Variants in DNM2 observed in about 807,000 individuals in gnomAD.
The protein encoded by DNM2 is dynamin-2.
A neutral mutation model predicts 99.0 loss-of-function variants in DNM2; 15 were observed. That is an observed-to-expected ratio of 0.15 (90% CI 0.10 to 0.23). The LOEUF (loss-of-function observed/expected upper bound fraction) is 0.23, where lower values mean the gene tolerates loss of function less well. Ranked by LOEUF, DNM2 falls within the 10% of genes least tolerant of loss-of-function variation. DNM2 has a pLI of 1.00. For synonymous variants in DNM2, 525 were observed against 481.2 expected, an observed-to-expected ratio of 1.09 and a Z score of -1.19; for missense variants, 742 against 1,189.4, an observed-to-expected ratio of 0.62 and a Z score of 5.53.
intron 12 of DNM2, among the ~76,000 whole-genome samples, chr19:10,804,044 T>C (rs2072250750): frequency 6.6e-6 from 1 of 152,040 alleles, no homozygotes; most frequent in African/African-American, 2.4e-5. Context: ...GAAGGAAGGC[T>C]ACCAGACCAG....
In DNM2 at chr19:10,810,902, G is replaced by A. The variant is rs76441267; in HGVS notation, c.1558-1362G>A. 0.028 allele frequency: 4,317 copies of A among 152,514 alleles called. 412 individuals carry two copies. In the East Asian group the frequency reaches 0.36, roughly 13 times the overall value. The allele number at this position is 152,514 out of a possible 1,614,324, so 9.4% of individuals were successfully genotyped here. A position where few individuals can be genotyped will look rare whatever the true frequency, so the allele number is the denominator to read the frequency against. On this transcript the variant is annotated intron_variant, in intron 14 of 20. Transcript: ENST00000389253. ...AGACCTTTGGTGCTAACACCAGGACGTCCTGGACAGACCAGGAAGAGCTCG... is the reference window on the plus strand; with the variant it reads ...AGACCTTTGGTGCTAACACCAGGACATCCTGGACAGACCAGGAAGAGCTCG...
At chr19:10,726,733 A>C (rs909614276) in intron 1 of DNM2, among the ~76,000 whole-genome samples, 30 of 152,200 alleles carry the variant, frequency 2.0e-4, no homozygotes, top group African/African-American at 5.8e-4. Flanking sequence ...GCGTGGTGGC[A>C]GGCGCCTGTA....
intron 2 of DNM2, among the ~76,000 whole-genome samples, chr19:10,766,617 TA>T (rs1406466781): frequency 1.3e-5 from 2 of 151,314 alleles, no homozygotes; most frequent in Non-Finnish European, 2.9e-5. Context: ...TACGAGATGC[TA>T]GGGGGAACTG....
chr19:10,756,369 C>T (rs2070385281), intron 1 of DNM2, among the ~76,000 whole-genome samples: 1 of 152,134 alleles, frequency 6.6e-6, no homozygotes, highest in Non-Finnish European at 1.5e-5. Flanking sequence ...GTGTCACCAG[C>T]ACCTCCCCAA....
intron 7 of DNM2, among the ~76,000 whole-genome samples, chr19:10,788,685 G>C (rs946939279): frequency 6.6e-6 from 1 of 152,238 alleles, no homozygotes; most frequent in African/African-American, 2.4e-5. Context: ...TTGGGAAGCA[G>C]GTGTGCCCCC....
chr19:10,741,534 T>C (rs974404493), intron 1 of DNM2, among the ~76,000 whole-genome samples: 2 of 151,386 alleles, frequency 1.3e-5, no homozygotes, highest in Admixed American at 6.6e-5. Context: ...CAGCCCCAAA[T>C]TGGCCAATAT....
At chr19:10,742,489 A>G (rs1366211614) in intron 1 of DNM2, among the ~76,000 whole-genome samples, 1 of 152,166 alleles carries the variant, frequency 6.6e-6, no homozygotes, top group Non-Finnish European at 1.5e-5. Context: ...CCAATTTCAT[A>G]GAGAAACTGA....
At chr19:10,732,784 C>T (rs1373123552) in intron 1 of DNM2, among the ~76,000 whole-genome samples, 3 of 152,022 alleles carry the variant, frequency 2.0e-5, no homozygotes, top group Non-Finnish European at 4.4e-5. Flanking sequence ...TAGTAACAAA[C>T]GCTCCCGCTC....
chr19:10,770,395 ATTACCCC>A (rs1457789435), intron 2 of DNM2, among the ~76,000 whole-genome samples: 1 of 152,000 alleles, frequency 6.6e-6, no homozygotes, highest in Non-Finnish European at 1.5e-5. Context: ...AGTGTGACTT[ATTACCCC>A]TTTCTTTCTT....
rs540429214 is a variant in DNM2 at position 10,725,199 on chromosome 19, G to A, written c.161+6796G>A. On this transcript the variant is annotated intron_variant, in intron 1 of 20. Transcript: ENST00000389253. ...ATGGTGACTCACACCTGTAATCCCA[G>A]CATTTTGGGAGGCCGAGGCAGGCAG... Among the ~76,000 whole-genome samples the A allele has an allele frequency of 3.5e-4, 54 of 152,352 alleles. 1 individual carries two copies. In the South Asian group the frequency reaches 0.011, roughly 31 times the overall value.
intron 1 of DNM2, among the ~76,000 whole-genome samples, chr19:10,725,680 C>T (rs2069091453): frequency 6.6e-6 from 1 of 152,038 alleles, no homozygotes; most frequent in Non-Finnish European, 1.5e-5. Context: ...AATCACGTAG[C>T]AAATTGTTGT....
Position 10,795,638 on chromosome 19 carries a change from T to C in DNM2, c.1196+199T>C. The C allele has an allele frequency of 1.6e-6, 1 of 639,678 alleles. No homozygotes were observed. Among genetic ancestry groups the C allele is most frequent in the Non-Finnish European group, 2.8e-6 (1 of 359,794 alleles). The allele number at this position is 639,678 out of a possible 1,614,324, so 39.6% of individuals were successfully genotyped here. ...GGATGTGTCTTAGTCCTGCGTCCAT[T>C]GCAGGCTTCAGGGCTGTCTGCAGCT... On this transcript the variant is annotated intron_variant, in intron 9 of 20. Coordinates refer to ENST00000389253, the MANE Select transcript of DNM2 (RefSeq NM_001005361.3). This position sits in a 1 kb window ranked among gnomAD's most constrained non-coding sequence, Gnocchi z 4.2.
chr19:10,798,027 C>G (rs893374791), intron 10 of DNM2, among the ~76,000 whole-genome samples: 10 of 152,216 alleles, frequency 6.6e-5, no homozygotes, highest in Admixed American at 3.9e-4. Context: ...GCCACAGATA[C>G]AGTGATCAGG....
chr19:10,734,236 G>A (rs1020580094), intron 1 of DNM2, among the ~76,000 whole-genome samples: 3 of 151,286 alleles, frequency 2.0e-5, no homozygotes, highest in African/African-American at 4.9e-5. Flanking sequence ...CCAGCCACTC[G>A]GGAGGCTGAG....
At chr19:10,784,694 C>CA (rs2071493502) in intron 6 of DNM2, among the ~76,000 whole-genome samples, 4 of 152,186 alleles carry the variant, frequency 2.6e-5, no homozygotes, top group African/African-American at 9.7e-5. Context: ...GGCTGCAGGG[C>CA]AGGGACCCTT....
rs1404520996 is a variant in DNM2, at chr19:10,812,714, G to A, written c.1671+337G>A. ...AGGCAGGAGAATCGTTTGAACCCGG[G>A]AGGCGGAGGTTGCAGTGAGCCGAGA... On this transcript the variant is annotated intron_variant, in intron 15 of 20. Transcript: ENST00000389253. The surrounding 1 kb of genome is among the most constrained non-coding windows in gnomAD (Gnocchi z 4.0). Among the ~76,000 whole-genome samples, 1 of 152,190 alleles carries A rather than the reference G, an allele frequency of 6.6e-6. No homozygotes were observed. Among genetic ancestry groups the A allele is most frequent in the Non-Finnish European group, 1.5e-5 (1 of 68,028 alleles).
In DNM2 at chr19:10,796,297, C is replaced by T; in HGVS notation, c.1196+858C>T. ...AGCGCCTCATTGGCCCCCACTGGTGCCTTTTCTCCCCATATCGCTTTGTGT... is the reference window on the plus strand; with the variant it reads ...AGCGCCTCATTGGCCCCCACTGGTGTCTTTTCTCCCCATATCGCTTTGTGT... On this transcript the variant is annotated intron_variant, in intron 9 of 20. Coordinates refer to ENST00000389253, the MANE Select transcript of DNM2 (RefSeq NM_001005361.3). The surrounding 1 kb of genome is among the most constrained non-coding windows in gnomAD (Gnocchi z 5.6). The T allele has an allele frequency of 1.3e-6, 2 of 1,556,314 alleles. No homozygotes were observed. Among genetic ancestry groups the T allele is most frequent in the South Asian group, 2.2e-5 (2 of 89,246 alleles).
intron 11 of DNM2, among the ~76,000 whole-genome samples, chr19:10,800,478 C>T (rs2072096440): frequency 6.6e-6 from 1 of 152,194 alleles, no homozygotes; most frequent in African/African-American, 2.4e-5. Context: ...TTCCACAGCC[C>T]CTGGTGCCCA....
intron 1 of DNM2, among the ~76,000 whole-genome samples, chr19:10,744,167 A>G (rs543541356): frequency 6.6e-6 from 1 of 152,132 alleles, no homozygotes; most frequent in African/African-American, 2.4e-5. Flanking sequence ...AAAAAAAAAA[A>G]AAATTCTTTA....
Sources: allele counts gnomAD v4.1 joint callset (sites outside exome capture counted in the v4.1 genomes callset), GRCh38; gene constraint gnomAD v4.1.1; non-coding constraint Gnocchi (gnomAD v3.1); transcripts MANE v1.5; gene names NCBI Gene and HGNC (gene_info 2026-07-23, HGNC 2026-07-21).